The following CDH18 variants were observed in gnomAD, a reference collection of about 807,000 sequenced individuals.
CDH18 encodes cadherin-18.
Under a neutral mutation model 67.9 loss-of-function variants are expected in CDH18, and 31 were observed. The observed-to-expected ratio is 0.46, with a 90% CI of 0.34 to 0.62. CDH18 has a LOEUF of 0.62. Among genes scored for constraint, CDH18 ranks in the 20% least tolerant of loss-of-function variants. The pLI, the probability that CDH18 is intolerant of heterozygous loss-of-function variation, is 0.01. For synonymous variants in CDH18, 362 were observed against 347.2 expected, an observed-to-expected ratio of 1.04 and a Z score of -0.48; for missense variants, 890 against 975.5, an observed-to-expected ratio of 0.91 and a Z score of 1.17.
At chr5:20,306,883 T>TTAC (rs2149980597) in intron 1 of CDH18, among the ~76,000 whole-genome samples, 1 of 117,104 alleles carries the variant, frequency 8.5e-6, no homozygotes, top group Non-Finnish European at 1.8e-5. Flanking sequence ...TGATAATTTA[T>TTAC]TATGGTATAA....
intron 2 of CDH18, among the ~76,000 whole-genome samples, chr5:19,842,616 T>C (rs1782460739): frequency 1.3e-5 from 2 of 152,088 alleles, no homozygotes; most frequent in Non-Finnish European, 2.9e-5. Context: ...AATAAAATAA[T>C]ACAATACATT....
At chr5:19,859,860 G>A (rs1257701228) in intron 2 of CDH18, among the ~76,000 whole-genome samples, 7 of 152,102 alleles carry the variant, frequency 4.6e-5, no homozygotes, top group African/African-American at 1.7e-4. Flanking sequence ...TGGGCCATTG[G>A]TCATTCACAT....
At chr5:19,729,960 G>A (rs1767373489) in intron 4 of CDH18, among the ~76,000 whole-genome samples, 1 of 151,868 alleles carries the variant, frequency 6.6e-6, no homozygotes, top group Non-Finnish European at 1.5e-5. Context: ...ACAAGAATAA[G>A]TCAATCTCTC....
In CDH18 at chr5:19,743,228, C is replaced by T. The variant is rs903621684; in HGVS notation, c.523+3714G>A. 7.2e-5 allele frequency among the ~76,000 whole-genome samples: 11 copies of T among 152,262 alleles called. No individual in the cohort carries two copies. In the South Asian group the frequency reaches 1.2e-3, roughly 17 times the overall value. ...CATGATCCCATATATTTGTAACAAA[C>T]GCTATATTTCTGTCTATATGTATAT... On this transcript the variant is annotated intron_variant, in intron 4 of 12. Transcript: ENST00000382275.
chr5:20,328,566 T>C (rs1165434673), intron 1 of CDH18, among the ~76,000 whole-genome samples: 1 of 152,022 alleles, frequency 6.6e-6, no homozygotes, highest in Non-Finnish European at 1.5e-5. Flanking sequence ...GAATTTCTTT[T>C]AATAAATTTA....
chr5:20,217,179 G>T (rs1740848778), intron 2 of CDH18, among the ~76,000 whole-genome samples: 1 of 151,720 alleles, frequency 6.6e-6, no homozygotes, highest in Non-Finnish European at 1.5e-5. Flanking sequence ...ACATTAATGA[G>T]AAATAAGAAA....
chr5:20,115,676 G>A (rs905906794), intron 2 of CDH18, among the ~76,000 whole-genome samples: 4 of 152,058 alleles, frequency 2.6e-5, no homozygotes, highest in Non-Finnish European at 2.9e-5. Context: ...ACAATGAGGA[G>A]TATTAGAATC....
intron 7 of CDH18, among the ~76,000 whole-genome samples, chr5:19,590,515 C>T (rs376402065): frequency 3.4e-5 from 3 of 88,370 alleles, no homozygotes; most frequent in East Asian, 3.2e-4. Context: ...GATAGACAGA[C>T]AGACAGATAG....
chr5:19,554,080 G>T (rs933195735), intron 8 of CDH18, among the ~76,000 whole-genome samples: 4 of 152,084 alleles, frequency 2.6e-5, no homozygotes, highest in Non-Finnish European at 5.9e-5. Flanking sequence ...CTAAAAAAAA[G>T]AAGGTATAAT....
rs897282370 is a variant in CDH18 at position 20,136,706 on chromosome 5, T to A, written c.-518+118738A>T. On this transcript the variant is annotated intron_variant, in intron 2 of 14. Transcript: ENST00000507958. Reference sequence around the variant, plus strand: ...CATTGATGATTTTTACAATTTGGCATGTTTTTGCAGTGGCTGGTACTGGTT... The same window carrying A: ...CATTGATGATTTTTACAATTTGGCAAGTTTTTGCAGTGGCTGGTACTGGTT... Among the ~76,000 whole-genome samples the A allele has an allele frequency of 3.9e-5, 6 of 152,312 alleles. No homozygotes were observed. The South Asian group carries it at 8.3e-4, about 21-fold the overall frequency.
intron 5 of CDH18, among the ~76,000 whole-genome samples, chr5:19,621,669 G>A (rs1750734111): frequency 1.3e-5 from 2 of 152,154 alleles, no homozygotes; most frequent in South Asian, 4.1e-4. Flanking sequence ...TCCAGGGGCT[G>A]AGTGAGAGGG....
intron 2 of CDH18, among the ~76,000 whole-genome samples, chr5:20,036,594 C>T (rs1739883557): frequency 6.6e-6 from 1 of 151,978 alleles, no homozygotes; most frequent in Admixed American, 6.6e-5. Flanking sequence ...AGGCATTCAG[C>T]TTAATAGGGA....
At chr5:20,436,373 C>A (rs1255101920) in intron 1 of CDH18, among the ~76,000 whole-genome samples, 1 of 151,728 alleles carries the variant, frequency 6.6e-6, no homozygotes, top group East Asian at 1.9e-4. Flanking sequence ...TCAGACTTCC[C>A]ACTATTCTAT....
intron 1 of CDH18, among the ~76,000 whole-genome samples, chr5:20,377,275 A>C (rs528065167): frequency 1.3e-5 from 2 of 152,374 alleles, no homozygotes; most frequent in Middle Eastern, 6.8e-3. Context: ...CATGTATGTA[A>C]ACCTGCAAAT....
intron 2 of CDH18, among the ~76,000 whole-genome samples, chr5:20,029,689 T>G (rs1301402363): frequency 1.3e-5 from 2 of 152,228 alleles, no homozygotes; most frequent in Admixed American, 1.3e-4. Flanking sequence ...GTCTTATTAT[T>G]TGCAGAATTC....
At chr5:19,520,347 A>G (rs1746699715) in intron 10 of CDH18, among the ~76,000 whole-genome samples, 1 of 152,174 alleles carries the variant, frequency 6.6e-6, no homozygotes, top group Admixed American at 6.6e-5. Flanking sequence ...TTAAGAGAGA[A>G]ACGTTTGCTA....
chr5:20,399,676 A>C (rs1298894466), intron 1 of CDH18, among the ~76,000 whole-genome samples: 1 of 152,224 alleles, frequency 6.6e-6, no homozygotes, highest in African/African-American at 2.4e-5. Context: ...AATAAATATT[A>C]GGTTTGTTTA....
intron 2 of CDH18, among the ~76,000 whole-genome samples, chr5:20,240,940 T>A (rs2126544829): frequency 6.6e-6 from 1 of 152,224 alleles, no homozygotes; most frequent in Admixed American, 6.5e-5. Context: ...GCTAAAAGAG[T>A]AGAGTTACAG....
chr5:19,929,022 G>C (rs538597616), intron 2 of CDH18, among the ~76,000 whole-genome samples: 7 of 152,136 alleles, frequency 4.6e-5, no homozygotes, highest in Admixed American at 4.6e-4. Context: ...TACATCATGG[G>C]AGTGAAGCTT....
Sources: gnomAD v4.1 joint callset for allele counts (sites outside exome capture counted in the v4.1 genomes callset) on GRCh38, gnomAD v4.1.1 for gene constraint, MANE v1.5 for transcripts, NCBI Gene and HGNC (gene_info 2026-07-23, HGNC 2026-07-21) for gene names.